LINGO2: variants seen among roughly 807,000 people sequenced by gnomAD.
LINGO2 encodes the protein leucine rich repeat and Ig domain containing 2.
In LINGO2, 14 loss-of-function variants were observed where a neutral mutation model predicts 30.6. The observed-to-expected ratio is 0.46, with a 90% CI of 0.30 to 0.72. LINGO2 has a LOEUF of 0.72. Among genes scored for constraint, LINGO2 ranks in the 30% least tolerant of loss-of-function variants. The pLI is 0.07. For missense variants in LINGO2, 729 were observed against 751.7 expected (o/e 0.97, Z 0.35); for synonymous variants, 317 against 288.5 (o/e 1.10, Z -1.00).
the LINGO2 span, among the ~76,000 whole-genome samples, chr9:28,880,894 C>A: frequency 6.6e-6 from 1 of 152,136 alleles, no homozygotes; most frequent in Admixed American, 6.5e-5. Context: ...ATCTGGCCTA[C>A]GTGCACATCC....
the LINGO2 span, among the ~76,000 whole-genome samples, chr9:29,018,787 T>C: frequency 0.041 from 6,227 of 152,260 alleles, 193 homozygotes; most frequent in Admixed American, 0.081. Flanking sequence ...GACTAAGGAA[T>C]GTACTAAAAG....
chr9:28,668,413 T>A (rs1182968339), intron 1 of LINGO2, among the ~76,000 whole-genome samples: 1 of 152,076 alleles, frequency 6.6e-6, no homozygotes, highest in East Asian at 1.9e-4. Flanking sequence ...TCGGTTAAAA[T>A]AAAGTTCTCA....
At chr9:29,072,361 A>G in the LINGO2 span, among the ~76,000 whole-genome samples, 2 of 151,948 alleles carry the variant, frequency 1.3e-5, no homozygotes, top group African/African-American at 4.8e-5. Context: ...GACCTTTTAG[A>G]GATGATGGGA....
chr9:28,206,234 C>A (rs11793353), intron 4 of LINGO2, among the ~76,000 whole-genome samples: 15,748 of 149,280 alleles, frequency 0.11, 889 homozygotes, highest in Middle Eastern at 0.15. Context: ...AGTGTTTGAC[C>A]TATAAAGTTG....
At chr9:29,163,398 T>G in the LINGO2 span, among the ~76,000 whole-genome samples, 1 of 152,218 alleles carries the variant, frequency 6.6e-6, no homozygotes, top group Non-Finnish European at 1.5e-5. Flanking sequence ...TAAATAATTT[T>G]AGTCTTCTAT....
At chr9:28,446,671 C>A (rs1246473072) in intron 2 of LINGO2, among the ~76,000 whole-genome samples, 3 of 152,204 alleles carry the variant, frequency 2.0e-5, no homozygotes, top group Non-Finnish European at 4.4e-5. Flanking sequence ...CAAAAGCCTT[C>A]AAACTGGTTT....
At chr9:28,585,871 G>A (rs373059228) in intron 1 of LINGO2, among the ~76,000 whole-genome samples, 32 of 152,112 alleles carry the variant, frequency 2.1e-4, no homozygotes, top group East Asian at 1.9e-3. Context: ...GATTTAATAT[G>A]TTTGGGGAAT....
chr9:29,161,666 G>A, the LINGO2 span, among the ~76,000 whole-genome samples: 1 of 152,118 alleles, frequency 6.6e-6, no homozygotes, highest in Non-Finnish European at 1.5e-5. Flanking sequence ...CAATCTACCA[G>A]ATGATGCCTA....
chr9:28,645,022 C>T (rs1827773619), intron 1 of LINGO2, among the ~76,000 whole-genome samples: 1 of 151,986 alleles, frequency 6.6e-6, no homozygotes, highest in South Asian at 2.1e-4. Flanking sequence ...GCATTTATAT[C>T]ATGTGATAAA....
At chr9:29,116,539 C>A in the LINGO2 span, among the ~76,000 whole-genome samples, 41 of 152,132 alleles carry the variant, frequency 2.7e-4, no homozygotes, top group African/African-American at 9.9e-4. Context: ...AGAAAAGACT[C>A]ATCTTTACTT....
chr9:28,458,342 A>G (rs536361849), intron 2 of LINGO2, among the ~76,000 whole-genome samples: 3 of 152,314 alleles, frequency 2.0e-5, no homozygotes, highest in Non-Finnish European at 4.4e-5. Context: ...ACATAGTGAC[A>G]CTTGTTCACA....
the LINGO2 span, among the ~76,000 whole-genome samples, chr9:29,107,564 A>G: frequency 6.6e-6 from 1 of 152,046 alleles, no homozygotes; most frequent in East Asian, 1.9e-4. Flanking sequence ...TTTTTTCTTC[A>G]TGAAACAATT....
intron 4 of LINGO2, among the ~76,000 whole-genome samples, chr9:28,167,146 C>CG (rs945873786): frequency 2.1e-5 from 3 of 141,198 alleles, no homozygotes; most frequent in African/African-American, 7.7e-5. Context: ...AGCACCCCCC[C>CG]CCCCCACTTT....
the LINGO2 span, among the ~76,000 whole-genome samples, chr9:29,030,160 TATA>T: frequency 6.6e-4 from 101 of 152,272 alleles, no homozygotes; most frequent in African/African-American, 2.2e-3. Flanking sequence ...TCTAAACATA[TATA>T]ATAATACTTT....
At chr9:28,799,392 G>C in the LINGO2 span, among the ~76,000 whole-genome samples, 4 of 152,068 alleles carry the variant, frequency 2.6e-5, no homozygotes, top group African/African-American at 9.7e-5. Flanking sequence ...GTGTGAAAAA[G>C]AAACAATCAC....
chr9:29,151,873 TA>T, the LINGO2 span, among the ~76,000 whole-genome samples: 1 of 152,062 alleles, frequency 6.6e-6, no homozygotes, highest in Non-Finnish European at 1.5e-5. Context: ...ATTCTGAAAT[TA>T]AACTCAACAC....
chr9:28,795,097 G>A, the LINGO2 span, among the ~76,000 whole-genome samples: 2 of 152,080 alleles, frequency 1.3e-5, no homozygotes, highest in South Asian at 2.1e-4. Context: ...CCTTCCCATA[G>A]TGCTGGGATT....
At chr9:29,133,292 A>C in the LINGO2 span, among the ~76,000 whole-genome samples, 18 of 152,294 alleles carry the variant, frequency 1.2e-4, no homozygotes, top group African/African-American at 4.1e-4. Flanking sequence ...GTGGTGGGAC[A>C]GGGAGGGATT....
chr9:28,948,158 T>C, the LINGO2 span, among the ~76,000 whole-genome samples: 1 of 152,090 alleles, frequency 6.6e-6, no homozygotes, highest in Non-Finnish European at 1.5e-5. Flanking sequence ...CTTAAATGTA[T>C]ATTAAAAATC....
Sources: gnomAD v4.1 joint callset for allele counts (sites outside exome capture counted in the v4.1 genomes callset) on GRCh38, gnomAD v4.1.1 for gene constraint, MANE v1.5 for transcripts, NCBI Gene and HGNC (gene_info 2026-07-23, HGNC 2026-07-21) for gene names.